ENTPD1: variants seen among roughly 807,000 people sequenced by gnomAD.
The protein encoded by ENTPD1 is ectonucleoside triphosphate diphosphohydrolase 1.
A neutral mutation model predicts 57.0 loss-of-function variants in ENTPD1; 33 were observed. That is an observed-to-expected ratio of 0.58 (90% CI 0.44 to 0.77). The LOEUF (loss-of-function observed/expected upper bound fraction) is 0.77. ENTPD1 is among the 30% of genes least tolerant of loss of function. The pLI is 0.00. For synonymous variants in ENTPD1, 202 were observed against 218.8 expected (o/e 0.92, Z 0.68); for missense variants, 501 against 603.4 (o/e 0.83, Z 1.78).
chr10:95,713,738 C>T (rs1040299910), intron 1 of ENTPD1, among the ~76,000 whole-genome samples: 1 of 152,002 alleles, frequency 6.6e-6, no homozygotes, highest in African/African-American at 2.4e-5. Context: ...CAAATGTCCA[C>T]AAAAAAGGTA....
At chr10:95,836,050 C>T (rs1339277692) in intron 2 of ENTPD1, among the ~76,000 whole-genome samples, 1 of 152,140 alleles carries the variant, frequency 6.6e-6, no homozygotes, top group African/African-American at 2.4e-5. Context: ...TATGGTTAGC[C>T]AGTTTTCCAA....
intron 1 of ENTPD1, among the ~76,000 whole-genome samples, chr10:95,807,232 C>A (rs1042848317): frequency 6.6e-6 from 1 of 152,232 alleles, no homozygotes; most frequent in Non-Finnish European, 1.5e-5. Flanking sequence ...GCCCCTCCCC[C>A]AGCCAGGCTT....
chr10:95,737,118 T>C (rs1019825208), intron 1 of ENTPD1, among the ~76,000 whole-genome samples: 4 of 152,204 alleles, frequency 2.6e-5, no homozygotes, highest in African/African-American at 4.8e-5. Context: ...CTTTGTCCTC[T>C]CAACAAGTAT....
At chr10:95,779,628 T>C (rs2098148547) in intron 1 of ENTPD1, among the ~76,000 whole-genome samples, 1 of 152,180 alleles carries the variant, frequency 6.6e-6, no homozygotes, top group Non-Finnish European at 1.5e-5. Context: ...TACTTCTACT[T>C]ACTCCTTTTT....
chr10:95,737,936 T>G (rs911036498), intron 1 of ENTPD1, among the ~76,000 whole-genome samples: 10 of 152,162 alleles, frequency 6.6e-5, no homozygotes, highest in African/African-American at 2.4e-4. Flanking sequence ...TGTAAACGTA[T>G]CATGCTGGGG....
Position 95,728,058 on chromosome 10 carries a change from A to G in ENTPD1, c.37+16065A>G, listed in dbSNP as rs536213071. 6.6e-5 allele frequency among the ~76,000 whole-genome samples: 10 copies of G among 152,332 alleles called. No homozygotes were observed. In the South Asian group the frequency reaches 2.1e-3, roughly 32 times the overall value. On this transcript the variant is annotated intron_variant, in intron 1 of 9. Coordinates refer to the ENTPD1 transcript ENST00000453258. ...TGGAGCAATCTTTAGCAAGTTTGGGAATATGAAAATAATAGCTTATTTAGG... is the reference window on the plus strand; with the variant it reads ...TGGAGCAATCTTTAGCAAGTTTGGGGATATGAAAATAATAGCTTATTTAGG...
the ENTPD1 span, among the ~76,000 whole-genome samples, chr10:95,706,150 A>G: frequency 6.6e-6 from 1 of 152,208 alleles, no homozygotes; most frequent in Non-Finnish European, 1.5e-5. Flanking sequence ...GATACACAAA[A>G]GAACATATTA....
At chr10:95,732,167 G>T (rs1426613345) in intron 1 of ENTPD1, among the ~76,000 whole-genome samples, 2 of 152,108 alleles carry the variant, frequency 1.3e-5, no homozygotes, top group Non-Finnish European at 2.9e-5. Context: ...TTAAATGATT[G>T]ACAACAATAC....
intron 1 of ENTPD1, among the ~76,000 whole-genome samples, chr10:95,739,450 G>T (rs192007158): frequency 1.2e-4 from 19 of 152,262 alleles, no homozygotes; most frequent in Admixed American, 1.2e-3. Flanking sequence ...GATGTTCACT[G>T]CATCTTCCCC....
At chr10:95,835,656 G>A (rs561714623) in intron 2 of ENTPD1, among the ~76,000 whole-genome samples, 10 of 152,256 alleles carry the variant, frequency 6.6e-5, no homozygotes, top group African/African-American at 1.9e-4. Context: ...GTATCTCATT[G>A]TGGTTTTAAC....
At chr10:95,833,234 A>G (rs1566211010) in intron 2 of ENTPD1, among the ~76,000 whole-genome samples, 1 of 152,264 alleles carries the variant, frequency 6.6e-6, no homozygotes, top group Non-Finnish European at 1.5e-5. Flanking sequence ...TATCCTTAAT[A>G]CCACAAAACT....
intron 1 of ENTPD1, among the ~76,000 whole-genome samples, chr10:95,719,635 G>A (rs965766186): frequency 1.6e-4 from 24 of 152,206 alleles, no homozygotes; most frequent in African/African-American, 5.1e-4. Context: ...GTAGCCACAG[G>A]TGGCGAGGAA....
intron 1 of ENTPD1, among the ~76,000 whole-genome samples, chr10:95,773,180 G>T (rs2098121367): frequency 6.6e-6 from 1 of 152,042 alleles, no homozygotes; most frequent in African/African-American, 2.4e-5. Context: ...TATGCATGAG[G>T]GATCTGCCCC....
chr10:95,732,784 C>T (rs569670767), intron 1 of ENTPD1, among the ~76,000 whole-genome samples: 28 of 152,172 alleles, frequency 1.8e-4, no homozygotes, highest in African/African-American at 4.6e-4. Flanking sequence ...CCCCCCAAGC[C>T]GCAAAACCAG....
chr10:95,720,028 T>C (rs2097975782), intron 1 of ENTPD1, among the ~76,000 whole-genome samples: 1 of 152,182 alleles, frequency 6.6e-6, no homozygotes, highest in Non-Finnish European at 1.5e-5. Flanking sequence ...CCTGAGATCT[T>C]GCCCTAACCT....
intron 1 of ENTPD1, among the ~76,000 whole-genome samples, chr10:95,814,670 A>G (rs2098323722): frequency 6.6e-6 from 1 of 152,176 alleles, no homozygotes; most frequent in Non-Finnish European, 1.5e-5. Flanking sequence ...GATAAATGCA[A>G]TTGTTTTCTA....
intron 1 of ENTPD1, among the ~76,000 whole-genome samples, chr10:95,736,770 A>T (rs1412252566): frequency 3.3e-5 from 5 of 152,134 alleles, no homozygotes; most frequent in Admixed American, 6.5e-5. Context: ...AGTGCCTTTG[A>T]ATTTATGCTT....
intron 1 of ENTPD1, among the ~76,000 whole-genome samples, chr10:95,818,710 G>C (rs2098338334): frequency 6.6e-6 from 1 of 152,176 alleles, no homozygotes; most frequent in African/African-American, 2.4e-5. Flanking sequence ...TCCTCAAGAA[G>C]AGTTCCCTGA....
Position 95,731,781 on chromosome 10 carries a change from C to CTTTTTT in ENTPD1, c.37+19804_37+19809dup, listed in dbSNP as rs34841311. On this transcript the variant is annotated intron_variant, in intron 1 of 9. Coordinates refer to the ENTPD1 transcript ENST00000453258. ...GGTAAGAATTAGAGGAGTGGACATC[C>CTTTTTT]TTTTTTTTTTTTTTTTTTTTTGACA... Among the ~76,000 whole-genome samples the CTTTTTT allele has an allele frequency of 8.7e-4, 69 of 79,168 alleles. 15 individuals are homozygous for CTTTTTT. Among genetic ancestry groups the CTTTTTT allele is most frequent in the South Asian group, 3.9e-3 (7 of 1,802 alleles). The allele number at this position is 79,168 out of a possible 152,430, so 51.9% of individuals were successfully genotyped here. A position where few individuals can be genotyped will look rare whatever the true frequency, so the allele number is the denominator to read the frequency against.
Sources: gnomAD v4.1 joint callset for allele counts (sites outside exome capture counted in the v4.1 genomes callset) on GRCh38, gnomAD v4.1.1 for gene constraint, MANE v1.5 for transcripts, NCBI Gene and HGNC (gene_info 2026-07-23, HGNC 2026-07-21) for gene names.